VPS53: variants seen among roughly 807,000 people sequenced by gnomAD.
VPS53 encodes the protein vacuolar protein sorting-associated protein 53 homolog.
Under a neutral mutation model 107.0 loss-of-function variants are expected in VPS53, and 70 were observed. The observed-to-expected ratio is 0.65, with a 90% CI of 0.54 to 0.80. The LOEUF (loss-of-function observed/expected upper bound fraction) is 0.80. Ranked by LOEUF, VPS53 falls within the 30% of genes least tolerant of loss-of-function variation. The pLI is 0.00. For missense variants in VPS53, 917 were observed against 1,049.4 expected (o/e 0.87, Z 1.74); for synonymous variants, 409 against 393.3 (o/e 1.04, Z -0.47).
At chr17:630,489 A>G (rs2143143617) in intron 8 of VPS53, among the ~76,000 whole-genome samples, 1 of 152,294 alleles carries the variant, frequency 6.6e-6, no homozygotes, top group Admixed American at 6.5e-5. Flanking sequence ...CCCTCCCTGC[A>G]GTTATATCAG....
At chr17:552,161 G>A (rs373761248) in intron 16 of VPS53, among the ~76,000 whole-genome samples, 1 of 152,012 alleles carries the variant, frequency 6.6e-6, no homozygotes, top group Non-Finnish European at 1.5e-5. Flanking sequence ...AGAATCCCAC[G>A]GTCAGTCTCC....
intron 5 of VPS53, among the ~76,000 whole-genome samples, chr17:660,403 A>G (rs1758020786): frequency 6.6e-6 from 1 of 152,206 alleles, no homozygotes; most frequent in African/African-American, 2.4e-5. Flanking sequence ...TCCTCCCTTC[A>G]GCACAGCACT....
intron 17 of VPS53, among the ~76,000 whole-genome samples, chr17:542,860 C>T (rs1057284359): frequency 9.2e-5 from 14 of 151,948 alleles, no homozygotes; most frequent in African/African-American, 2.9e-4. Context: ...CACCTGCAAT[C>T]CCAGCTACTT....
At chr17:558,527 G>A (rs531835349) in intron 15 of VPS53, among the ~76,000 whole-genome samples, 2 of 152,088 alleles carry the variant, frequency 1.3e-5, no homozygotes, top group African/African-American at 2.4e-5. Flanking sequence ...CCAGCTACTC[G>A]CGAGGCTGAG....
intron 13 of VPS53, among the ~76,000 whole-genome samples, chr17:572,880 C>A (rs1245789096): frequency 6.6e-6 from 1 of 151,318 alleles, no homozygotes; most frequent in African/African-American, 2.4e-5. Context: ...TACCCAGGGA[C>A]ACAAACACTG....
intron 11 of VPS53, among the ~76,000 whole-genome samples, chr17:622,627 T>C (rs1257816678): frequency 6.6e-6 from 1 of 152,208 alleles, no homozygotes; most frequent in Non-Finnish European, 1.5e-5. Flanking sequence ...ACAGAGTCAC[T>C]TGGTTTCCCA....
Position 560,670 on chromosome 17 carries a change from A to G in VPS53, c.1557-97T>C. 2.8e-6 allele frequency: 4 copies of G among 1,453,918 alleles called. No individual in the cohort carries two copies. In the East Asian group the frequency reaches 7.0e-5, roughly 25 times the overall value. 90.1% of individuals were successfully genotyped at this position (1,453,918 alleles called of 1,614,324 possible). A position where few individuals can be genotyped will look rare whatever the true frequency, so the allele number is the denominator to read the frequency against. On this transcript the variant is annotated intron_variant, in intron 14 of 21. Coordinates refer to ENST00000437048, the MANE Select transcript of VPS53 (RefSeq NM_001128159.3). ...TTTAAGATACAGAAAAGGGGGAAGT[A>G]AAGGCTGGACATGGCCCAAATCAAT...
intron 11 of VPS53, among the ~76,000 whole-genome samples, chr17:617,462 T>G (rs1320033524): frequency 6.6e-6 from 1 of 152,212 alleles, no homozygotes; most frequent in Non-Finnish European, 1.5e-5. Context: ...AGTGCAGTGG[T>G]GCAATCTCAG....
chr17:671,287 G>A (rs1478992581), intron 4 of VPS53, among the ~76,000 whole-genome samples: 2 of 150,342 alleles, frequency 1.3e-5, no homozygotes, highest in Admixed American at 1.3e-4. Context: ...CAAAAAGAAG[G>A]AAGGAAGGGA....
chr17:679,313 A>G (rs1315927781), intron 4 of VPS53, among the ~76,000 whole-genome samples: 1 of 152,004 alleles, frequency 6.6e-6, no homozygotes, highest in Non-Finnish European at 1.5e-5. Flanking sequence ...CAGGAGATTG[A>G]GACCATCCTG....
chr17:553,434 TC>T lies in VPS53; in HGVS notation c.1732del (p.Asp578MetfsTer2). The T allele has an allele frequency of 6.2e-7, 1 of 1,614,136 alleles. No homozygotes were observed. The highest frequency in any genetic ancestry group is 8.5e-7 in the Non-Finnish European group (1 of 1,180,032). Reference sequence around the variant, plus strand: ...ATTGATTCGTTCAATCAGACTTACATCCACTTTTTCTTTGAGTTTTTCTTCT... The same window carrying T: ...ATTGATTCGTTCAATCAGACTTACATCACTTTTTCTTTGAGTTTTTCTTCT... ...QLEEKLKEKV[D>X]VSLIERINLT... On this transcript the variant is annotated frameshift_variant, in exon 16 of 22. Coordinates refer to ENST00000437048, the MANE Select transcript of VPS53 (RefSeq NM_001128159.3). LOFTEE classifies it high-confidence loss of function.
At chr17:635,302 C>T (rs887536930) in intron 7 of VPS53, among the ~76,000 whole-genome samples, 4 of 152,126 alleles carry the variant, frequency 2.6e-5, no homozygotes, top group Admixed American at 2.0e-4. Flanking sequence ...ATTAGCCCTT[C>T]ATCAGATGAG....
intron 4 of VPS53, among the ~76,000 whole-genome samples, chr17:662,858 GA>G (rs1971522736): frequency 1.2e-3 from 120 of 99,606 alleles, no homozygotes; most frequent in South Asian, 3.2e-3. Context: ...AGGAAGGAAG[GA>G]AGGAAGGAAG....
chr17:625,564 T>C (rs1424173331), intron 10 of VPS53, among the ~76,000 whole-genome samples: 2 of 151,716 alleles, frequency 1.3e-5, no homozygotes, highest in Non-Finnish European at 2.9e-5. Context: ...TGGGTAATGA[T>C]GATGTGTCCG....
chr17:603,825 G>C (rs1027152835), intron 11 of VPS53, among the ~76,000 whole-genome samples: 1 of 152,162 alleles, frequency 6.6e-6, no homozygotes, highest in Non-Finnish European at 1.5e-5. Context: ...TGATATTTTA[G>C]AGAGAGAGGA....
rs117006884 is a variant in VPS53, at chr17:660,678, T to C, written c.372+1131A>G. On this transcript the variant is annotated intron_variant, in intron 5 of 21. Transcript: ENST00000437048. The stretch of plus-strand genomic sequence containing the variant: ...CCTGGGTGCTGCTGGGTGTGGTGCA[T>C]CCTTGGTGAAGGACGAGGGCCCCTG... 4.1e-4 allele frequency among the ~76,000 whole-genome samples: 25 copies of C among 61,034 alleles called. 1 individual carries two copies. The highest frequency in any genetic ancestry group is 3.6e-3 in the Admixed American group (19 of 5,258). 40.0% of individuals were successfully genotyped at this position (61,034 alleles called of 152,430 possible).
intron 4 of VPS53, among the ~76,000 whole-genome samples, chr17:662,769 GAA>G (rs1971500615): frequency 7.7e-6 from 1 of 129,232 alleles, no homozygotes; most frequent in Non-Finnish European, 1.6e-5. Flanking sequence ...AAGAAAGAAA[GAA>G]AGAGAAAGAA....
chr17:692,781 C>A (rs966131830), intron 4 of VPS53, among the ~76,000 whole-genome samples: 1 of 152,028 alleles, frequency 6.6e-6, no homozygotes, highest in African/African-American at 2.4e-5. Context: ...GGCGGGCGGA[C>A]CACAAGGTCA....
Position 594,859 on chromosome 17 carries a change from T to C in VPS53, c.1218+6936A>G, listed in dbSNP as rs575558357. Among the ~76,000 whole-genome samples the C allele has an allele frequency of 1.1e-4, 9 of 85,500 alleles. No individual in the cohort carries two copies. In the East Asian group the frequency reaches 2.1e-3, roughly 20 times the overall value. 56.1% of individuals were successfully genotyped at this position (85,500 alleles called of 152,430 possible). On this transcript the variant is annotated intron_variant, in intron 12 of 21. Coordinates refer to ENST00000437048, the MANE Select transcript of VPS53 (RefSeq NM_001128159.3). ...GCTGGGAGATGGGAAGGGGTCTGGA[T>C]CAATTTCCTGATTTGATGATGCACT...
Sources: gnomAD v4.1 joint callset for allele counts (sites outside exome capture counted in the v4.1 genomes callset) on GRCh38, gnomAD v4.1.1 for gene constraint, MANE v1.5 for transcripts, NCBI Gene and HGNC (gene_info 2026-07-23, HGNC 2026-07-21) for gene names.